SLCO3A1: variants seen among roughly 807,000 people sequenced by gnomAD.
The protein encoded by SLCO3A1 is PGE1 transporter.
SLCO3A1 carries 27 observed loss-of-function variants against 63.1 expected under a neutral mutation model. That is an observed-to-expected ratio of 0.43 (90% CI 0.32 to 0.59). SLCO3A1 has a LOEUF of 0.59. SLCO3A1 is among the 20% of genes least tolerant of loss of function. SLCO3A1 has a pLI of 0.09. For missense variants in SLCO3A1, 773 were observed against 945.8 expected, an observed-to-expected ratio of 0.82 and a Z score of 2.40; for synonymous variants, 473 against 409.9, an observed-to-expected ratio of 1.15 and a Z score of -1.86.
downstream of SLCO3A1, among the ~76,000 whole-genome samples, chr15:92,168,789 G>C (rs139444748): frequency 1.4e-4 from 21 of 152,264 alleles, no homozygotes; most frequent in East Asian, 2.5e-3. Context: ...TAAAATTGAA[G>C]GCAACATTAT....
chr15:91,999,361 A>G (rs1455372088), intron 2 of SLCO3A1, among the ~76,000 whole-genome samples: 4 of 152,248 alleles, frequency 2.6e-5, no homozygotes, highest in African/African-American at 9.6e-5. Context: ...TAACCAATCA[A>G]CGATTAATAT....
intron 1 of SLCO3A1, among the ~76,000 whole-genome samples, chr15:91,914,567 C>CTT (rs556314311): frequency 0.031 from 3,760 of 122,204 alleles, 114 homozygotes; most frequent in Non-Finnish European, 0.046. Context: ...TATTTTCTTC[C>CTT]TTTTTTTTTT....
intron 7 of SLCO3A1, among the ~76,000 whole-genome samples, chr15:92,129,071 C>G (rs2151569148): frequency 6.6e-6 from 1 of 152,326 alleles, no homozygotes; most frequent in East Asian, 1.9e-4. Flanking sequence ...CCCTGAAAAC[C>G]TGATGCTAAG....
chr15:92,134,368 C>G (rs1449818400), intron 7 of SLCO3A1, among the ~76,000 whole-genome samples: 1 of 152,184 alleles, frequency 6.6e-6, no homozygotes, highest in African/African-American at 2.4e-5. Flanking sequence ...TGATATATCT[C>G]AGGCCCTCTG....
intron 4 of SLCO3A1, among the ~76,000 whole-genome samples, chr15:92,116,470 T>G (rs1395991657): frequency 6.6e-6 from 1 of 152,302 alleles, no homozygotes; most frequent in African/African-American, 2.4e-5. Context: ...GCTGCATAAT[T>G]CAAGCCAGCC....
At chr15:92,059,292 G>T (rs143706862) in intron 2 of SLCO3A1, among the ~76,000 whole-genome samples, 4 of 152,210 alleles carry the variant, frequency 2.6e-5, no homozygotes, top group African/African-American at 7.2e-5. Flanking sequence ...AGAAGCTGTC[G>T]GGTGCCCTGT....
intron 2 of SLCO3A1, among the ~76,000 whole-genome samples, chr15:92,036,916 G>T (rs920222691): frequency 3.3e-5 from 5 of 152,164 alleles, no homozygotes; most frequent in Admixed American, 2.6e-4. Flanking sequence ...CTTTGATTTG[G>T]AAGTCCTGGT....
At chr15:92,094,729 T>C (rs2047516859) in intron 2 of SLCO3A1, 152 bp from the exon 3 acceptor site, 1 of 578,732 alleles carries the variant, frequency 1.7e-6, no homozygotes, top group East Asian at 2.9e-5. Context: ...TTCCAAAAAT[T>C]AGAAATTCAG....
chr15:92,006,307 G>C (rs894000318), intron 2 of SLCO3A1, among the ~76,000 whole-genome samples: 4 of 152,180 alleles, frequency 2.6e-5, no homozygotes, highest in Admixed American at 1.3e-4. Context: ...GCTCAGAGGT[G>C]ACATTAGTTA....
intron 1 of SLCO3A1, among the ~76,000 whole-genome samples, chr15:91,898,160 G>A (rs115501378): frequency 0.012 from 1,804 of 152,160 alleles, 34 homozygotes; most frequent in African/African-American, 0.041. Context: ...GAACAGAGCC[G>A]TGTGCCTGTG....
At chr15:92,084,664 G>A (rs1044712319) in intron 2 of SLCO3A1, among the ~76,000 whole-genome samples, 8 of 152,158 alleles carry the variant, frequency 5.3e-5, no homozygotes, top group Non-Finnish European at 8.8e-5. Context: ...GCTCTCAGGG[G>A]CATAAAGAGT....
At chr15:92,025,800 A>G (rs1424338608) in intron 2 of SLCO3A1, among the ~76,000 whole-genome samples, 4 of 152,160 alleles carry the variant, frequency 2.6e-5, no homozygotes, top group African/African-American at 9.7e-5. Flanking sequence ...GCTGCCATCT[A>G]CCTTGCTGAT....
intron 2 of SLCO3A1, among the ~76,000 whole-genome samples, chr15:91,957,705 G>T (rs569285991): frequency 6.6e-6 from 1 of 152,150 alleles, no homozygotes; most frequent in East Asian, 1.9e-4. Context: ...TTGTATCCCT[G>T]TTGTCATGCC....
At chr15:91,899,104 G>C (rs915394135) in intron 1 of SLCO3A1, among the ~76,000 whole-genome samples, 7 of 152,278 alleles carry the variant, frequency 4.6e-5, no homozygotes, top group African/African-American at 1.7e-4. Flanking sequence ...TCTCCCAGAG[G>C]GTTTCAACAT....
intron 2 of SLCO3A1, among the ~76,000 whole-genome samples, chr15:91,990,228 A>G (rs530013369): frequency 6.6e-6 from 1 of 152,322 alleles, no homozygotes; most frequent in South Asian, 2.1e-4. Flanking sequence ...GAAATGTCAG[A>G]GCTAGAGTTT....
rs866865473 is a variant in SLCO3A1 at position 91,882,723 on chromosome 15, T to C, written c.180+28635T>C. ...TTTTAGTAGAGACAGGGTTTCACCATGTTGGCCAGGCTGGTCTCGAACTCC... is the reference window on the plus strand; with the variant it reads ...TTTTAGTAGAGACAGGGTTTCACCACGTTGGCCAGGCTGGTCTCGAACTCC... On this transcript the variant is annotated intron_variant, in intron 1 of 9. Transcript: ENST00000318445. This position sits in a 1 kb window ranked among gnomAD's most constrained non-coding sequence, Gnocchi z 4.4. Among the ~76,000 whole-genome samples, 42 of 152,186 alleles carry C rather than the reference T, an allele frequency of 2.8e-4. No individual in the cohort carries two copies. The highest frequency in any genetic ancestry group is 9.9e-4 in the African/African-American group (41 of 41,450).
intron 8 of SLCO3A1, chr15:92,149,146 T>TACCAAACATGGAAAGTTTGTTG (rs1272609884): frequency 6.6e-6 from 1 of 152,480 alleles, no homozygotes; most frequent in African/African-American, 2.4e-5. Flanking sequence ...TAGTGGTGAC[T>TACCAAACATGGAAAGTTTGTTG]ACCAAACATG....
chr15:92,002,928 T>G (rs774695570), intron 2 of SLCO3A1, among the ~76,000 whole-genome samples: 16 of 152,120 alleles, frequency 1.1e-4, no homozygotes, highest in South Asian at 2.1e-4. Flanking sequence ...TGCCGCCAAT[T>G]AGTTCAACAT....
chr15:91,928,077 T>C (rs948823528), intron 2 of SLCO3A1, among the ~76,000 whole-genome samples: 1 of 152,230 alleles, frequency 6.6e-6, no homozygotes, highest in African/African-American at 2.4e-5. Context: ...GTCTCCCACA[T>C]TGGTGCTTTT....
Sources: allele counts gnomAD v4.1 joint callset (sites outside exome capture counted in the v4.1 genomes callset), GRCh38; gene constraint gnomAD v4.1.1; non-coding constraint Gnocchi (gnomAD v3.1); transcripts MANE v1.5; gene names NCBI Gene and HGNC (gene_info 2026-07-23, HGNC 2026-07-21).